SMOC1: variants seen among roughly 807,000 people sequenced by gnomAD.
SMOC1 encodes the protein SPARC related modular calcium binding 1.
SMOC1 carries 22 observed loss-of-function variants against 56.3 expected under a neutral mutation model. The observed-to-expected ratio is 0.39, with a 90% CI of 0.28 to 0.56. The LOEUF is 0.56. Ranked by LOEUF, SMOC1 falls within the 20% of genes least tolerant of loss-of-function variation. SMOC1 has a pLI of 0.61. For synonymous variants in SMOC1, 193 were observed against 215.0 expected (o/e 0.90, Z 0.89); for missense variants, 509 against 565.4 (o/e 0.90, Z 1.01).
At chr14:69,945,946 A>T (rs1357446947) in intron 1 of SMOC1, among the ~76,000 whole-genome samples, 1 of 152,212 alleles carries the variant, frequency 6.6e-6, no homozygotes, top group Non-Finnish European at 1.5e-5. Context: ...TTTAGATTTT[A>T]GATATTGGTT....
intron 5 of SMOC1, among the ~76,000 whole-genome samples, chr14:69,982,285 A>G (rs1884208240): frequency 6.6e-6 from 1 of 152,240 alleles, no homozygotes; most frequent in South Asian, 2.1e-4. Context: ...CAGAACTTCA[A>G]AAATCCAACC....
At chr14:69,954,883 A>T (rs1241725462) in intron 3 of SMOC1, among the ~76,000 whole-genome samples, 1 of 152,158 alleles carries the variant, frequency 6.6e-6, no homozygotes, top group Non-Finnish European at 1.5e-5. Context: ...TCCAGGTGGG[A>T]CACAGTGGAT....
At chr14:69,922,170 C>A (rs1316551654) in intron 1 of SMOC1, among the ~76,000 whole-genome samples, 1 of 152,208 alleles carries the variant, frequency 6.6e-6, no homozygotes, top group Non-Finnish European at 1.5e-5. Context: ...GCTAGTAATG[C>A]AACCTCTGGA....
chr14:69,956,904 C>T (rs925931169), intron 3 of SMOC1, among the ~76,000 whole-genome samples: 2 of 152,180 alleles, frequency 1.3e-5, no homozygotes, highest in African/African-American at 4.8e-5. Context: ...GGGACACAGA[C>T]ATTGTGTTTT....
At chr14:69,879,857 G>A (rs1883586944) in intron 1 of SMOC1, 80 bp downstream of exon 1, 3 of 1,291,230 alleles carry the variant, frequency 2.3e-6, no homozygotes, top group African/African-American at 1.5e-5. Flanking sequence ...GGAAGGAGGA[G>A]GGGGAAGAGA....
intron 1 of SMOC1, among the ~76,000 whole-genome samples, chr14:69,920,386 C>A (rs1884805862): frequency 6.6e-6 from 1 of 152,188 alleles, no homozygotes; most frequent in Non-Finnish European, 1.5e-5. Context: ...ATGTGGGGCT[C>A]TTCCTGGCAG....
At chr14:70,021,709 T>C (rs1885731335) in intron 10 of SMOC1, among the ~76,000 whole-genome samples, 2 of 151,614 alleles carry the variant, frequency 1.3e-5, no homozygotes, top group South Asian at 4.2e-4. Flanking sequence ...GATGACTGGC[T>C]TTTTTTCCCC....
intron 3 of SMOC1, 28 bp downstream of exon 3, chr14:69,953,560 T>C: frequency 6.3e-7 from 1 of 1,593,228 alleles, no homozygotes; most frequent in Non-Finnish European, 8.6e-7. Context: ...CCTCTTGGGC[T>C]CTTTCCTGGA....
intron 7 of SMOC1, among the ~76,000 whole-genome samples, chr14:69,998,199 G>A (rs1398226189): frequency 6.6e-6 from 1 of 152,096 alleles, no homozygotes; most frequent in Non-Finnish European, 1.5e-5. Flanking sequence ...TGAGTAATTG[G>A]CAGGTTCAGC....
At chr14:69,954,943 G>A (rs1384752262) in intron 3 of SMOC1, among the ~76,000 whole-genome samples, 2 of 152,174 alleles carry the variant, frequency 1.3e-5, no homozygotes, top group Non-Finnish European at 2.9e-5. Flanking sequence ...AGAGGGATGA[G>A]GAGGTTGAGG....
At chr14:69,964,104 T>C (rs2139473533) in intron 3 of SMOC1, among the ~76,000 whole-genome samples, 1 of 152,384 alleles carries the variant, frequency 6.6e-6, no homozygotes, top group East Asian at 1.9e-4. Flanking sequence ...TCAGATTGGC[T>C]GGCATCATTT....
Position 70,010,889 on chromosome 14 carries a change from G to A in SMOC1, c.800G>A (p.Gly267Asp). 1 of 1,613,832 alleles carries A rather than the reference G, an allele frequency of 6.2e-7. No individual in the cohort carries two copies. The highest frequency in any genetic ancestry group is 8.5e-7 in the Non-Finnish European group (1 of 1,180,026). ...CCAGTGCAATGCCACCAGTCCACTG[G>A]CTACTGCTGGTGTGTGCTGGTGGAC... is the stretch of plus-strand genomic sequence containing the variant. ...YKPVQCHQST[G>D]YCWCVLVDTG... is the part of the protein sequence containing the mutation. The change falls in exon 8 of 12, where the codon GGC (glycine) becomes GAC (aspartate). Residue 267 changes from glycine to aspartate, a missense_variant. Gly to Asp is a moderately conservative substitution (Grantham distance 94). This residue lies in a region of SMOC1 where 18 missense variants were observed against 44.2 expected (regional missense o/e 0.41). Coordinates refer to ENST00000361956, the MANE Select transcript of SMOC1 (RefSeq NM_001034852.3).
At chr14:69,987,608 A>G (rs1884411534) in intron 5 of SMOC1, among the ~76,000 whole-genome samples, 1 of 152,116 alleles carries the variant, frequency 6.6e-6, no homozygotes, top group Non-Finnish European at 1.5e-5. Context: ...CCTTAAGCAC[A>G]CCAATGTTTT....
intron 1 of SMOC1, among the ~76,000 whole-genome samples, chr14:69,943,697 G>T (rs1289383858): frequency 6.6e-6 from 1 of 152,114 alleles, no homozygotes; most frequent in Non-Finnish European, 1.5e-5. Flanking sequence ...TCAATAGCAG[G>T]TTTACCTCCC....
At chr14:69,966,497 C>T (rs1883582192) in intron 3 of SMOC1, among the ~76,000 whole-genome samples, 1 of 152,190 alleles carries the variant, frequency 6.6e-6, no homozygotes, top group Non-Finnish European at 1.5e-5. Context: ...AGCAAAAGTT[C>T]ACCTTACAGC....
chr14:69,949,847 A>C (rs1255437592), intron 1 of SMOC1, among the ~76,000 whole-genome samples: 1 of 152,154 alleles, frequency 6.6e-6, no homozygotes, highest in Non-Finnish European at 1.5e-5. Flanking sequence ...CCCCGAGCTC[A>C]TGGGTTTAAA....
At chr14:69,917,019 T>C (rs897679261) in intron 1 of SMOC1, among the ~76,000 whole-genome samples, 3 of 152,226 alleles carry the variant, frequency 2.0e-5, no homozygotes, top group Non-Finnish European at 4.4e-5. Flanking sequence ...GTGGTTTTCA[T>C]ACTTTTAAAC....
At chr14:69,973,628 G>A (rs1400392627) in intron 3 of SMOC1, among the ~76,000 whole-genome samples, 1 of 152,230 alleles carries the variant, frequency 6.6e-6, no homozygotes, top group Non-Finnish European at 1.5e-5. Flanking sequence ...TGCAGGAGCT[G>A]CGGGAAATGC....
chr14:69,904,824 AT>A (rs1376024554), intron 1 of SMOC1, among the ~76,000 whole-genome samples: 2 of 152,216 alleles, frequency 1.3e-5, no homozygotes, highest in Non-Finnish European at 2.9e-5. Flanking sequence ...TGACCAAAAC[AT>A]GAGGAGATGC....
Sources: allele counts gnomAD v4.1 joint callset (sites outside exome capture counted in the v4.1 genomes callset), GRCh38; gene constraint gnomAD v4.1.1; regional missense constraint gnomAD v4.1.1; transcripts MANE v1.5; gene names NCBI Gene and HGNC (gene_info 2026-07-23, HGNC 2026-07-21).